Variants in PMEPA1 observed in about 807,000 individuals in gnomAD.
PMEPA1 encodes the protein prostate transmembrane protein, androgen induced 1.
Under a neutral mutation model 23.0 loss-of-function variants are expected in PMEPA1, and 11 were observed. The observed-to-expected ratio is 0.48, with a 90% CI of 0.30 to 0.79. PMEPA1 has a LOEUF of 0.79. Ranked by LOEUF, PMEPA1 falls within the 30% of genes least tolerant of loss-of-function variation. The pLI is 0.06. For synonymous variants in PMEPA1, 204 were observed against 166.4 expected, an observed-to-expected ratio of 1.23 and a Z score of -1.74; for missense variants, 377 against 390.9, an observed-to-expected ratio of 0.96 and a Z score of 0.30.
chr20:57,707,862 G>A (rs1272384152), intron 1 of PMEPA1, among the ~76,000 whole-genome samples: 1 of 152,184 alleles, frequency 6.6e-6, no homozygotes, highest in Admixed American at 6.5e-5. Context: ...GTGTGCGAAC[G>A]TATTTTAATA....
chr20:57,696,430 C>T (rs970458607), intron 1 of PMEPA1, among the ~76,000 whole-genome samples: 9 of 152,184 alleles, frequency 5.9e-5, no homozygotes, highest in African/African-American at 1.7e-4. Flanking sequence ...CAAGACACTG[C>T]AGCCCAAGTT....
At chr20:57,665,811 T>C (rs203387) in intron 1 of PMEPA1, among the ~76,000 whole-genome samples, 61,785 of 152,116 alleles carry the variant, frequency 0.41, 12,743 homozygotes, top group East Asian at 0.53. Flanking sequence ...CCAAGGCCCC[T>C]CAGGGGCTAA....
At chr20:57,697,179 C>T (rs1251217488) in intron 1 of PMEPA1, among the ~76,000 whole-genome samples, 1 of 152,126 alleles carries the variant, frequency 6.6e-6, no homozygotes, top group Admixed American at 6.5e-5. Context: ...TTTCTGCAGC[C>T]CCACTAGTCT....
chr20:57,663,000 C>T (rs1319183294), intron 1 of PMEPA1, among the ~76,000 whole-genome samples: 2 of 152,226 alleles, frequency 1.3e-5, no homozygotes, highest in Non-Finnish European at 2.9e-5. Flanking sequence ...CCGCCAGGCT[C>T]GGCCCCAGGG....
chr20:57,709,072 G>A (rs941724974), intron 1 of PMEPA1, among the ~76,000 whole-genome samples: 1 of 151,956 alleles, frequency 6.6e-6, no homozygotes, highest in Admixed American at 6.6e-5. Context: ...AGACCAGACA[G>A]TGTCTCACAC....
intron 1 of PMEPA1, among the ~76,000 whole-genome samples, chr20:57,661,291 C>A (rs2071415305): frequency 6.6e-6 from 1 of 152,224 alleles, no homozygotes. Context: ...CGGCAGCTGG[C>A]CGAGCACGGT....
Position 57,709,488 on chromosome 20 carries a change from TG to T in PMEPA1, c.94del (p.Gln32ArgfsTer19). The stretch of plus-strand genomic sequence containing the variant: ...GGGTCACTCACTGATCTCCATGCTC[TG>T]GAACAAAGAGCGTTTGCAGTTGCAC... ...CTCNCKRSLF[Q>X]SMEITELEFV... On this transcript the variant is annotated frameshift_variant, in exon 1 of 4. Transcript: ENST00000341744. LOFTEE classifies it high-confidence loss of function. The T allele has an allele frequency of 1.7e-6, 2 of 1,144,868 alleles. No homozygotes were observed. Among genetic ancestry groups the T allele is most frequent in the Admixed American group, 3.7e-5 (1 of 27,028 alleles). 70.9% of individuals were successfully genotyped at this position (1,144,868 alleles called of 1,614,324 possible).
At chr20:57,691,400 GA>G (rs2146697808) in intron 1 of PMEPA1, among the ~76,000 whole-genome samples, 1 of 152,268 alleles carries the variant, frequency 6.6e-6, no homozygotes, top group East Asian at 1.9e-4. Flanking sequence ...GAAAGAGGAG[GA>G]ACAGACCGAG....
In PMEPA1 at chr20:57,652,060, G is replaced by A; in HGVS notation, c.857C>T (p.Pro286Leu). The A allele has an allele frequency of 6.7e-7, 1 of 1,498,320 alleles. No homozygotes were observed. Among genetic ancestry groups the A allele is most frequent in the Non-Finnish European group, 8.9e-7 (1 of 1,118,466 alleles). The allele number at this position is 1,498,320 out of a possible 1,614,324, so 92.8% of individuals were successfully genotyped here. ...SKEKDKQKGH[P>L]L ...CCGGCCCCCCTGGGGACCCTAGAGAGGGTGTCCTTTCTGTTTATCCTTCTC... is the reference window on the plus strand; with the variant it reads ...CCGGCCCCCCTGGGGACCCTAGAGAAGGTGTCCTTTCTGTTTATCCTTCTC... The change falls in exon 4 of 4, where the codon CCT becomes CTT. Residue 286 changes from proline (P) to leucine (L), a missense_variant. By Grantham distance (98) the Pro-to-Leu change is moderately conservative. This residue lies in a region of PMEPA1 where 176 missense variants were observed against 173.0 expected (regional missense o/e 1.02). Transcript: ENST00000341744. The surrounding 1 kb of genome is among the most constrained non-coding windows in gnomAD (Gnocchi z 6.1).
upstream of PMEPA1, chr20:57,710,649 G>A: frequency 3.6e-6 from 2 of 549,482 alleles, no homozygotes; most frequent in Non-Finnish European, 3.1e-6. Context: ...TATTGTCGCC[G>A]CCCCAGCCGG....
rs564056312 is a variant in PMEPA1 at position 57,658,185 on chromosome 20, C to T, written c.264+1358G>A. On this transcript the variant is annotated intron_variant, in intron 2 of 3. Transcript: ENST00000341744. ...GTTTGCCCCTGACTTTGTGGAGATT[C>T]GAAAGGGAAATTCTTGGGGTTTCCA... is the stretch of plus-strand genomic sequence containing the variant. Among the ~76,000 whole-genome samples the T allele has an allele frequency of 1.5e-4, 23 of 152,256 alleles. No individual in the cohort carries two copies. The East Asian group carries it at 2.3e-3, about 15-fold the overall frequency.
chr20:57,691,408 C>A (rs528425961), intron 1 of PMEPA1, among the ~76,000 whole-genome samples: 2 of 152,226 alleles, frequency 1.3e-5, no homozygotes, highest in East Asian at 1.9e-4. Flanking sequence ...AGGAACAGAC[C>A]GAGGACCAGT....
intron 1 of PMEPA1, among the ~76,000 whole-genome samples, chr20:57,673,663 C>T (rs2071599478): frequency 6.6e-6 from 1 of 152,196 alleles, no homozygotes; most frequent in South Asian, 2.1e-4. Context: ...CTCCCAGCTA[C>T]AAGGAAAAGA....
chr20:57,666,979 T>A (rs203391), intron 1 of PMEPA1, among the ~76,000 whole-genome samples: 1 of 152,062 alleles, frequency 6.6e-6, no homozygotes, highest in African/African-American at 2.4e-5. Flanking sequence ...ATACACACGA[T>A]GGCACGTGTG....
chr20:57,670,695 A>C (rs2071555786), intron 1 of PMEPA1, among the ~76,000 whole-genome samples: 2 of 152,020 alleles, frequency 1.3e-5, no homozygotes, highest in African/African-American at 4.8e-5. Context: ...GCCAGCACAG[A>C]CCCAAGGGAT....
intron 1 of PMEPA1, among the ~76,000 whole-genome samples, chr20:57,688,443 C>T (rs1186244971): frequency 6.6e-6 from 1 of 152,098 alleles, no homozygotes; most frequent in Admixed American, 6.5e-5. Context: ...CCTCCATGCC[C>T]CAGGTTGTGA....
In PMEPA1 at chr20:57,683,554, C is replaced by CGTGT. The variant is rs11467205; in HGVS notation, c.110-23861_110-23858dup. On this transcript the variant is annotated intron_variant, in intron 1 of 3. Transcript: ENST00000341744. The surrounding 1 kb of genome is among the most constrained non-coding windows in gnomAD (Gnocchi z 4.3). ...CGGTGGTGGTGTTCTGGCCTGTGTG[C>CGTGT]GTGTGTGTGTGTGTGTGTGTGTGTG... 0.034 allele frequency among the ~76,000 whole-genome samples: 3,631 copies of CGTGT among 106,342 alleles called. 104 individuals carry two copies. The highest frequency in any genetic ancestry group is 0.093 in the Admixed American group (1,140 of 12,202). 69.8% of individuals were successfully genotyped at this position (106,342 alleles called of 152,430 possible). A position where few individuals can be genotyped will look rare whatever the true frequency, so the allele number is the denominator to read the frequency against.
chr20:57,705,248 C>T (rs1420750549), intron 1 of PMEPA1, among the ~76,000 whole-genome samples: 2 of 152,234 alleles, frequency 1.3e-5, no homozygotes, highest in African/African-American at 4.8e-5. Flanking sequence ...CTCACCTCGA[C>T]CCTGGGTCAC....
chr20:57,668,934 C>A (rs2071530275), intron 1 of PMEPA1, among the ~76,000 whole-genome samples: 1 of 152,124 alleles, frequency 6.6e-6, no homozygotes, highest in Non-Finnish European at 1.5e-5. Context: ...CCTCCAGCCT[C>A]CAGGACCCCC....
Sources: gnomAD v4.1 joint callset for allele counts (sites outside exome capture counted in the v4.1 genomes callset) on GRCh38, gnomAD v4.1.1 for gene constraint, gnomAD v4.1.1 regional missense constraint, Gnocchi (gnomAD v3.1) non-coding constraint, MANE v1.5 for transcripts, NCBI Gene and HGNC (gene_info 2026-07-23, HGNC 2026-07-21) for gene names.